NOLC1: variants seen among roughly 807,000 people sequenced by gnomAD.
NOLC1 encodes 140 kDa nucleolar phosphoprotein.
Under a neutral mutation model 73.4 loss-of-function variants are expected in NOLC1, and 37 were observed. The ratio of observed to expected loss-of-function variants is 0.50; its 90% CI spans 0.39 to 0.66. The LOEUF is 0.66. NOLC1 is among the 30% of genes least tolerant of loss of function. The probability of loss-of-function intolerance (pLI) is 0.00; values close to 1 mark genes in which losing one functional copy is unlikely to be tolerated. For missense variants in NOLC1, 921 were observed against 838.9 expected, an observed-to-expected ratio of 1.10 and a Z score of -1.21; for synonymous variants, 327 against 302.6, an observed-to-expected ratio of 1.08 and a Z score of -0.84.
chr10:102,155,233 C>A (rs1368910503), intron 1 of NOLC1, among the ~76,000 whole-genome samples: 1 of 151,744 alleles, frequency 6.6e-6, no homozygotes, highest in Non-Finnish European at 1.5e-5. Flanking sequence ...CCATGTTGGT[C>A]AGGCTGGTCT....
rs149387839 is a variant in NOLC1 at position 102,161,469 on chromosome 10, C to T, written c.1742-87C>T. On this transcript the variant is annotated intron_variant, in intron 10 of 12. Transcript: ENST00000605788. ...CTGATCTGAATTTCCTGGGCTCAAG[C>T]GATCCTCCTACCTTGGACTCCCAAA... The T allele has an allele frequency of 4.2e-5, 39 of 920,274 alleles. No individual in the cohort carries two copies. In the East Asian group the frequency reaches 7.1e-4, roughly 17 times the overall value. 57.0% of individuals were successfully genotyped at this position (920,274 alleles called of 1,614,324 possible).
chr10:102,155,214 G>T lies in NOLC1; in HGVS notation c.121-1805G>T, dbSNP rs193024014. 1.6e-3 allele frequency among the ~76,000 whole-genome samples: 236 copies of T among 151,556 alleles called. 1 individual carries two copies. The highest frequency in any genetic ancestry group is 5.5e-3 in the African/African-American group (227 of 41,252). On this transcript the variant is annotated intron_variant, in intron 1 of 12. Transcript: ENST00000605788. ...CTAATTTTGTATTTTTAGTAGAGAC[G>T]GGGTTTCTCCATGTTGGTCAGGCTG...
At position 102,161,622 on chromosome 10, in the gene NOLC1, T is replaced by C; in HGVS notation, c.1808T>C (p.Ile603Thr). ...GCAGAGACTCCTCAGGCCAAGAAGA[T>C]AAAGCTTCAGACCCCTAACACATTT... ...KEAETPQAKK[I>T]KLQTPNTFPK... Residue 603 changes from isoleucine (I) to threonine (T), a missense_variant, in exon 11 of 13, where the codon ATA becomes ACA. Transcript: ENST00000605788. 1 of 1,614,044 alleles carries C rather than the reference T, an allele frequency of 6.2e-7. No homozygotes were observed. Among genetic ancestry groups the C allele is most frequent in the Non-Finnish European group, 8.5e-7 (1 of 1,179,968 alleles).
In NOLC1 at chr10:102,157,149, A is replaced by G. The variant is rs768068439; in HGVS notation, c.177-40A>G. The G allele has an allele frequency of 2.5e-6, 4 of 1,613,868 alleles. No individual in the cohort carries two copies. The East Asian group carries it at 6.7e-5, about 27-fold the overall frequency. On this transcript the variant is annotated intron_variant, in intron 2 of 12. Coordinates refer to ENST00000605788, the MANE Select transcript of NOLC1 (RefSeq NM_004741.5). ...GGGCTGTGTTTCTTGGTTTGGGAAG[A>G]TTCCAGTCCCCTAGAAATTGGTCCA...
At chr10:102,154,335 G>A (rs1015422143) in intron 1 of NOLC1, among the ~76,000 whole-genome samples, 58 of 145,920 alleles carry the variant, frequency 4.0e-4, no homozygotes, top group African/African-American at 1.3e-3. Flanking sequence ...CTACTGCCTC[G>A]GCTTCCCAAA....
At chr10:102,157,647 C>T (rs963777202) in intron 4 of NOLC1, 92 bp downstream of exon 4, 126 of 1,401,492 alleles carry the variant, frequency 9.0e-5, no homozygotes, top group Middle Eastern at 4.1e-4. Context: ...GGGGTGATGG[C>T]GGCAATACAA....
rs771521194 is a variant in NOLC1, at chr10:102,158,101, A to G, written c.494A>G (p.Lys165Arg). The change falls in exon 5 of 13, where the codon AAG (lysine) becomes AGG (arginine). Residue 165 changes from lysine (K) to arginine (R), a missense_variant. By Grantham distance (26) the Lys-to-Arg change is conservative. Coordinates refer to ENST00000605788, the MANE Select transcript of NOLC1 (RefSeq NM_004741.5). ...GCCAAAGCTCCTCCTAAGAAGGCCAAGAGCTCTGATTCTGATTCTGACTCA... is the reference window on the plus strand; with the variant it reads ...GCCAAAGCTCCTCCTAAGAAGGCCAGGAGCTCTGATTCTGATTCTGACTCA... ...KAAKAPPKKA[K>R]SSDSDSDSSS... 10 of 1,614,198 alleles carry G rather than the reference A, an allele frequency of 6.2e-6. No homozygotes were observed. The highest frequency in any genetic ancestry group is 1.7e-5 in the Admixed American group (1 of 60,014).
chr10:102,162,393 C>A lies in NOLC1; in HGVS notation c.*124C>A. The A allele has an allele frequency of 1.0e-6, 1 of 997,732 alleles. No homozygotes were observed. The highest frequency in any genetic ancestry group is 1.5e-6 in the Non-Finnish European group (1 of 675,034). 61.8% of individuals were successfully genotyped at this position (997,732 alleles called of 1,614,324 possible). ...TGAGGACAGAAGTTTAGAGTAGGTC[C>A]TAAGACTTTACAGTGTAACATCCTC... On this transcript the variant is annotated 3_prime_UTR_variant, in exon 13 of 13. Coordinates refer to ENST00000605788, the MANE Select transcript of NOLC1 (RefSeq NM_004741.5).
At position 102,159,336 on chromosome 10, in the gene NOLC1, G is replaced by T. The variant is rs373018734; in HGVS notation, c.723+28G>T. On this transcript the variant is annotated intron_variant, in intron 6 of 12. Coordinates refer to ENST00000605788, the MANE Select transcript of NOLC1 (RefSeq NM_004741.5). The stretch of plus-strand genomic sequence containing the variant: ...CTGGACCATAACTTCTGTCAGGGCA[G>T]AGGTGACCAGGGTGTGATGTGTGTG... 5 of 1,613,932 alleles carry T rather than the reference G, an allele frequency of 3.1e-6. No homozygotes were observed. In the African/African-American group the frequency reaches 6.7e-5, roughly 22 times the overall value.
rs1430467286 is a variant in NOLC1, at chr10:102,159,382, A to G, written c.724-51A>G. The stretch of plus-strand genomic sequence containing the variant: ...GTGTGTGTCTTCCTTCCCTGGCAGG[A>G]TTGGTTGGGTCAGCATTTTCCTGTG... On this transcript the variant is annotated intron_variant, in intron 6 of 12. Coordinates refer to ENST00000605788, the MANE Select transcript of NOLC1 (RefSeq NM_004741.5). 3 of 1,613,626 alleles carry G rather than the reference A, an allele frequency of 1.9e-6. No homozygotes were observed. The South Asian group carries it at 3.3e-5, about 18-fold the overall frequency.
In NOLC1 at chr10:102,159,904, A is replaced by C. The variant is rs747483717; in HGVS notation, c.868A>C (p.Ser290Arg). The part of the protein sequence containing the change: ...KPMKNKPGPY[S>R]SVPPPSAPPP... ...CTATCCTTTTTAAACAGGTCCCTAC[A>C]GTTCAGTCCCCCCGCCTTCTGCTCC... is the stretch of plus-strand genomic sequence containing the variant. The change falls in exon 8 of 13, where the codon AGT becomes CGT. Residue 290 changes from serine to arginine, a missense_variant. By Grantham distance (110) the Ser-to-Arg change is moderately radical. Coordinates refer to ENST00000605788, the MANE Select transcript of NOLC1 (RefSeq NM_004741.5). The C allele has an allele frequency of 1.3e-6, 2 of 1,589,960 alleles. No individual in the cohort carries two copies. The highest frequency in any genetic ancestry group is 1.7e-6 in the Non-Finnish European group (2 of 1,169,638).
rs748307765 is a variant in NOLC1 at position 102,163,669 on chromosome 10, C to T, written c.*1400C>T. ...GGTAGAAAAGTGTGCCCCAAGCCTT[C>T]ATGGACGAGTTATAGGTCTTAAGAT... On this transcript the variant is annotated 3_prime_UTR_variant, in exon 13 of 13. Transcript: ENST00000605788. 3 of 152,200 alleles carry T rather than the reference C, an allele frequency of 2.0e-5. No individual in the cohort carries two copies. The highest frequency in any genetic ancestry group is 4.4e-5 in the Non-Finnish European group (3 of 68,040). The allele number at this position is 152,200 out of a possible 1,614,324, so 9.4% of individuals were successfully genotyped here.
chr10:102,158,019 T>C, intron 4 of NOLC1, 30 bp from the exon 5 acceptor site: 1 of 1,600,256 alleles, frequency 6.2e-7, no homozygotes, highest in Non-Finnish European at 8.5e-7. Flanking sequence ...AAGCTTTTGC[T>C]GATTTCTCTC....
In NOLC1 at chr10:102,157,254, A is replaced by G. The variant is rs202112555; in HGVS notation, c.242A>G (p.Lys81Arg). 16 of 1,614,102 alleles carry G rather than the reference A, an allele frequency of 9.9e-6. No individual in the cohort carries two copies. Among genetic ancestry groups the G allele is most frequent in the Non-Finnish European group, 6.8e-6 (8 of 1,180,036 alleles). Residue 81 changes from lysine to arginine, a missense_variant, in exon 3 of 13, where the codon AAG becomes AGG. Lys to Arg is a conservative substitution (Grantham distance 26). Transcript: ENST00000605788. ...NGPVAKKAKK[K>R]ASSSDSEDSS... ...CCAGTGGCTAAGAAAGCTAAGAAGA[A>G]GGCCTCATCCAGTGACAGTGAGGAC...
At chr10:102,161,127 G>A in intron 10 of NOLC1, 34 bp downstream of exon 10, 2 of 1,559,128 alleles carry the variant, frequency 1.3e-6, no homozygotes, top group Non-Finnish European at 1.7e-6. Context: ...TCTGGGTTTT[G>A]TCCCCCCAAA....
At chr10:102,162,030 T>C in intron 12 of NOLC1, 81 bp from the exon 13 acceptor site, 2 of 1,604,270 alleles carry the variant, frequency 1.2e-6, no homozygotes, top group Middle Eastern at 2.0e-4. Flanking sequence ...TCAGGTTTCC[T>C]TGAGCAGGGA....
In NOLC1 at chr10:102,158,159, G is replaced by C. The variant is rs751629532; in HGVS notation, c.552G>C (p.Lys184Asn). 3.1e-6 allele frequency: 5 copies of C among 1,614,146 alleles called. No individual in the cohort carries two copies. In the South Asian group the frequency reaches 5.5e-5, roughly 18 times the overall value. ...SSEDEPPKNQ[K>N]PKITPVTVKA... ...AGGATGAGCCACCAAAGAACCAGAA[G>C]CCAAAGATAACACCTGTGACAGTTA... The change falls in exon 5 of 13, where the codon AAG becomes AAC. Residue 184 changes from lysine (K) to asparagine (N), a missense_variant. Physicochemically the swap from Lys to Asn is moderately conservative, Grantham distance 94 (BLOSUM62 0). Coordinates refer to ENST00000605788, the MANE Select transcript of NOLC1 (RefSeq NM_004741.5).
intron 12 of NOLC1, 58 bp downstream of exon 12, chr10:102,161,983 A>T (rs1161808250): frequency 1.9e-6 from 3 of 1,602,926 alleles, no homozygotes; most frequent in Middle Eastern, 1.7e-4. Context: ...CAGAGAGGAC[A>T]ATTCTTGGTT....
chr10:102,159,233 TAGCAGCAGTAGCAGCAGC>T lies in NOLC1; in HGVS notation c.663_680del (p.Ser222_Ser227del), dbSNP rs924860752. 21 of 1,613,182 alleles carry T rather than the reference TAGCAGCAGTAGCAGCAGC, an allele frequency of 1.3e-5. No homozygotes were observed. Among genetic ancestry groups the T allele is most frequent in the South Asian group, 3.3e-5 (3 of 91,074 alleles). Reference sequence around the variant, plus strand: ...AAATAGCCAATGGTAAAGCAGCCAGTAGCAGCAGTAGCAGCAGCAGCAGCAGTAGCAGTGATGACTCAG... The same window carrying T: ...AAATAGCCAATGGTAAAGCAGCCAGTAGCAGCAGTAGCAGTGATGACTCAG... On this transcript the variant is annotated inframe_deletion, in exon 6 of 13. Transcript: ENST00000605788.
Sources: allele counts gnomAD v4.1 joint callset (sites outside exome capture counted in the v4.1 genomes callset), GRCh38; gene constraint gnomAD v4.1.1; transcripts MANE v1.5; gene names NCBI Gene and HGNC (gene_info 2026-07-23, HGNC 2026-07-21).